Variants in RP9 observed in about 807,000 individuals in gnomAD.
RP9 encodes the protein retinitis pigmentosa 9 protein.
Under a neutral mutation model 32.6 loss-of-function variants are expected in RP9, and 23 were observed. The observed-to-expected ratio is 0.71, with a 90% CI of 0.51 to 1.00. The LOEUF is 1.00. Ranked by LOEUF, RP9 falls within the 50% of genes least tolerant of loss-of-function variation. The pLI, the probability that RP9 is intolerant of heterozygous loss-of-function variation, is 0.00. For synonymous variants in RP9, 94 were observed against 103.6 expected, an observed-to-expected ratio of 0.91 and a Z score of 0.56; for missense variants, 245 against 285.3, an observed-to-expected ratio of 0.86 and a Z score of 1.02.
At chr7:33,102,467 G>A (rs904851949) in intron 1 of RP9, among the ~76,000 whole-genome samples, 3 of 152,034 alleles carry the variant, frequency 2.0e-5, no homozygotes, top group East Asian at 1.9e-4. Flanking sequence ...ATGATCCACC[G>A]TGTCCAGCTG....
At chr7:33,098,405 T>C (rs1788373966) in intron 3 of RP9, among the ~76,000 whole-genome samples, 1 of 152,120 alleles carries the variant, frequency 6.6e-6, no homozygotes, top group African/African-American at 2.4e-5. Context: ...TAGAAGGTTG[T>C]TTAATGTGTG....
chr7:33,106,341 T>C lies in RP9; in HGVS notation c.152+2880A>G, dbSNP rs545228338. Among the ~76,000 whole-genome samples, 5 of 152,090 alleles carry C rather than the reference T, an allele frequency of 3.3e-5. No individual in the cohort carries two copies. In the East Asian group the frequency reaches 9.7e-4, roughly 30 times the overall value. On this transcript the variant is annotated intron_variant, in intron 1 of 5. Transcript: ENST00000297157. ...GTACCACCATGCCTGGTTAATTTCT[T>C]TTTTCCTTCTTTCTTGCAGAGATAA... is the stretch of plus-strand genomic sequence containing the variant.
At chr7:33,098,168 T>A (rs1348980053) in intron 3 of RP9, among the ~76,000 whole-genome samples, 1 of 151,842 alleles carries the variant, frequency 6.6e-6, no homozygotes, top group African/African-American at 2.4e-5. Flanking sequence ...GGTAGATCGC[T>A]TGAGGCCAGG....
rs1218404974 is a variant in RP9 at position 33,109,324 on chromosome 7, G to A, written c.49C>T (p.Arg17Trp). ...REDVGAAGARRPREPPEQELQ... is the reference protein window; with the variant it reads ...REDVGAAGARWPREPPEQELQ... The stretch of plus-strand genomic sequence containing the variant: ...TCCTGCTCCGGCGGCTCACGCGGCC[G>A]CCGCGCGCCCGCAGCCCCCACGTCC... The change falls in exon 1 of 6, where the codon CGG becomes TGG. Residue 17 changes from arginine to tryptophan, a missense_variant. This residue lies in a region of RP9 where 182 missense variants were observed against 175.5 expected (regional missense o/e 1.04). Coordinates refer to ENST00000297157, the MANE Select transcript of RP9 (RefSeq NM_203288.2). The surrounding 1 kb of genome is among the most constrained non-coding windows in gnomAD (Gnocchi z 4.9). 2.1e-6 allele frequency: 3 copies of A among 1,458,196 alleles called. No homozygotes were observed. Among genetic ancestry groups the A allele is most frequent in the South Asian group, 1.3e-5 (1 of 77,380 alleles). The allele number at this position is 1,458,196 out of a possible 1,614,324, so 90.3% of individuals were successfully genotyped here.
chr7:33,102,727 C>T (rs1045984072), intron 1 of RP9, among the ~76,000 whole-genome samples: 1 of 152,228 alleles, frequency 6.6e-6, no homozygotes, highest in Admixed American at 6.5e-5. Context: ...AAGTGTACTC[C>T]ATTCCACACA....
intron 1 of RP9, among the ~76,000 whole-genome samples, chr7:33,104,109 G>C (rs1354818051): frequency 2.0e-5 from 3 of 151,834 alleles, no homozygotes; most frequent in Non-Finnish European, 4.4e-5. Flanking sequence ...TAGAGAAAAA[G>C]ATACATCTAC....
intron 1 of RP9, among the ~76,000 whole-genome samples, chr7:33,107,549 C>A (rs1312568710): frequency 6.6e-6 from 1 of 152,124 alleles, no homozygotes; most frequent in African/African-American, 2.4e-5. Context: ...TTGAAAGGGC[C>A]AGGACTGCCC....
chr7:33,107,306 T>C (rs1473425593), intron 1 of RP9, among the ~76,000 whole-genome samples: 1 of 152,206 alleles, frequency 6.6e-6, no homozygotes, highest in Admixed American at 6.5e-5. Context: ...GTATGCTTGA[T>C]CACATGACTT....
intron 1 of RP9, among the ~76,000 whole-genome samples, chr7:33,105,091 GGA>G (rs1437304170): frequency 6.6e-6 from 1 of 152,160 alleles, no homozygotes; most frequent in Non-Finnish European, 1.5e-5. Context: ...ATGCAAGATA[GGA>G]GAGTGGGAAA....
rs1338506803 is a variant in RP9 at position 33,109,364 on chromosome 7, GGAC to G, written c.6_8del (p.Ser3del). On this transcript the variant is annotated inframe_deletion, in exon 1 of 6. Coordinates refer to ENST00000297157, the MANE Select transcript of RP9 (RefSeq NM_203288.2). This position sits in a 1 kb window ranked among gnomAD's most constrained non-coding sequence, Gnocchi z 4.9. Reference sequence around the variant, plus strand: ...CCCCCACGTCCTCGCGCCCAGGCCGGGACGACATGTCAGCCCCCGCAGCGCCGC... The same window carrying G: ...CCCCCACGTCCTCGCGCCCAGGCCGGGACATGTCAGCCCCCGCAGCGCCGC... 2 of 1,415,156 alleles carry G rather than the reference GGAC, an allele frequency of 1.4e-6. No individual in the cohort carries two copies. Among genetic ancestry groups the G allele is most frequent in the Non-Finnish European group, 1.8e-6 (2 of 1,085,566 alleles). 87.7% of individuals were successfully genotyped at this position (1,415,156 alleles called of 1,614,324 possible).
In RP9 at chr7:33,097,306, T is replaced by A. The variant is rs1165478912; in HGVS notation, c.370A>T (p.Ile124Phe). The A allele has an allele frequency of 6.2e-7, 1 of 1,613,926 alleles. No homozygotes were observed. Among genetic ancestry groups the A allele is most frequent in the Non-Finnish European group, 8.5e-7 (1 of 1,179,940 alleles). Residue 124 changes from isoleucine (I) to phenylalanine (F), a missense_variant, in exon 4 of 6, where the codon ATC (isoleucine) becomes TTC (phenylalanine). This residue lies in a region of RP9 where 182 missense variants were observed against 175.5 expected (regional missense o/e 1.04). Transcript: ENST00000297157. Reference sequence around the variant, plus strand: ...TGCTCTAACTTTTGGTTGCCTTTGATAAAGAAAGGGCATTCTTTGTCACCC... The same window carrying A: ...TGCTCTAACTTTTGGTTGCCTTTGAAAAAGAAAGGGCATTCTTTGTCACCC... ...RTGDKECPFF[I>F]KGNQKLEQFR...
rs1788334595 is a variant in RP9 at position 33,096,371 on chromosome 7, A to G, written c.467+122T>C. ...TTCAGCCATGACTCCTGCACTCCAC[A>G]TATTTTCACAATTGAAGTACCATGT... On this transcript the variant is annotated intron_variant, in intron 5 of 5. Coordinates refer to ENST00000297157, the MANE Select transcript of RP9 (RefSeq NM_203288.2). 8 of 763,880 alleles carry G rather than the reference A, an allele frequency of 1.0e-5. No homozygotes were observed. The East Asian group carries it at 1.1e-4, about 10-fold the overall frequency. The allele number at this position is 763,880 out of a possible 1,614,324, so 47.3% of individuals were successfully genotyped here.
intron 5 of RP9, 51 bp downstream of exon 5, chr7:33,096,440 TTA>T: frequency 7.6e-7 from 1 of 1,318,036 alleles, no homozygotes; most frequent in Admixed American, 1.7e-5. Context: ...TTCTCCAACT[TTA>T]TATAATTTTA....
intron 1 of RP9, among the ~76,000 whole-genome samples, chr7:33,102,663 T>G (rs2128033113): frequency 6.6e-6 from 1 of 152,348 alleles, no homozygotes; most frequent in East Asian, 1.9e-4. Context: ...TGTTTCAAAT[T>G]ACTCTTTCTG....
intron 1 of RP9, among the ~76,000 whole-genome samples, chr7:33,105,950 G>T (rs745836510): frequency 9.9e-5 from 15 of 152,110 alleles, no homozygotes; most frequent in Non-Finnish European, 1.9e-4. Context: ...TATCTGCTGT[G>T]ACTCCTATGA....
intron 1 of RP9, among the ~76,000 whole-genome samples, chr7:33,106,420 C>T (rs948430887): frequency 1.3e-5 from 2 of 152,158 alleles, no homozygotes; most frequent in Non-Finnish European, 2.9e-5. Context: ...AAGCGATCTT[C>T]CCACCTCTAC....
intron 1 of RP9, chr7:33,100,812 C>G (rs1788413060): frequency 1.5e-6 from 1 of 645,624 alleles, no homozygotes. Flanking sequence ...CAGAGGAGAC[C>G]CAGAATGCTG....
chr7:33,106,818 C>T (rs919750632), intron 1 of RP9, among the ~76,000 whole-genome samples: 1 of 152,032 alleles, frequency 6.6e-6, no homozygotes, highest in Non-Finnish European at 1.5e-5. Context: ...GTGATGCACA[C>T]CTGTAGTCCC....
chr7:33,104,595 C>T (rs1237107920), intron 1 of RP9, among the ~76,000 whole-genome samples: 1 of 152,136 alleles, frequency 6.6e-6, no homozygotes, highest in Admixed American at 6.5e-5. Flanking sequence ...GAAAGGGACT[C>T]AGAATGGCAT....
Sources: gnomAD v4.1 joint callset for allele counts (sites outside exome capture counted in the v4.1 genomes callset) on GRCh38, gnomAD v4.1.1 for gene constraint, gnomAD v4.1.1 regional missense constraint, Gnocchi (gnomAD v3.1) non-coding constraint, MANE v1.5 for transcripts, NCBI Gene and HGNC (gene_info 2026-07-23, HGNC 2026-07-21) for gene names.